MRTFB: variants seen among roughly 807,000 people sequenced by gnomAD.
The protein encoded by MRTFB is myocardin related transcription factor B, also known as myocardin-related transcription factor B.
In MRTFB, 29 loss-of-function variants were observed where a neutral mutation model predicts 104.2. That is an observed-to-expected ratio of 0.28 (90% CI 0.21 to 0.38). The LOEUF (loss-of-function observed/expected upper bound fraction) is 0.38, where lower values mean the gene tolerates loss of function less well. Among genes scored for constraint, MRTFB ranks in the 10% least tolerant of loss-of-function variants. MRTFB has a pLI of 1.00. For missense variants in MRTFB, 1,270 were observed against 1,341.6 expected, an observed-to-expected ratio of 0.95 and a Z score of 0.83; for synonymous variants, 535 against 519.5, an observed-to-expected ratio of 1.03 and a Z score of -0.41.
chr16:14,201,733 C>T (rs2040714370), intron 3 of MRTFB, among the ~76,000 whole-genome samples: 1 of 152,074 alleles, frequency 6.6e-6, no homozygotes, highest in Non-Finnish European at 1.5e-5. Context: ...ACTAAAAGAG[C>T]ATTATTCTCA....
At chr16:14,116,088 A>G (rs911187143) in intron 2 of MRTFB, among the ~76,000 whole-genome samples, 1 of 152,032 alleles carries the variant, frequency 6.6e-6, no homozygotes, top group Non-Finnish European at 1.5e-5. Context: ...TGGGGCACGC[A>G]TTTCTTAATC....
At chr16:14,203,804 G>GAAAA (rs908323645) in intron 3 of MRTFB, among the ~76,000 whole-genome samples, 4 of 46,574 alleles carry the variant, frequency 8.6e-5, no homozygotes, top group Non-Finnish European at 1.9e-4. Flanking sequence ...ACTCTGTCTC[G>GAAAA]AAAAAAAAAA....
At chr16:14,054,688 A>G in the MRTFB span, among the ~76,000 whole-genome samples, 1 of 152,222 alleles carries the variant, frequency 6.6e-6, no homozygotes, top group Non-Finnish European at 1.5e-5. Flanking sequence ...CTCTGAGGAC[A>G]GGAACCATGT....
At chr16:14,216,174 T>C (rs1354464237) in intron 6 of MRTFB, among the ~76,000 whole-genome samples, 1 of 152,220 alleles carries the variant, frequency 6.6e-6, no homozygotes, top group Non-Finnish European at 1.5e-5. Context: ...CAGGGTAACC[T>C]CCTAGCCATG....
At chr16:14,193,961 A>G (rs1378542952) in intron 3 of MRTFB, among the ~76,000 whole-genome samples, 9 of 152,152 alleles carry the variant, frequency 5.9e-5, no homozygotes, top group Admixed American at 5.9e-4. Flanking sequence ...TATTAAATGC[A>G]TTTTGACTTA....
rs2043792096 is a variant in MRTFB at position 14,261,878 on chromosome 16, G to C, written c.*434G>C. 1 of 156,120 alleles carries C rather than the reference G, an allele frequency of 6.4e-6. No homozygotes were observed. The highest frequency in any genetic ancestry group is 6.3e-5 in the Admixed American group (1 of 15,804). 9.7% of individuals were successfully genotyped at this position (156,120 alleles called of 1,614,324 possible). ...ACTAAGGCTGATGTGAGGGAGGTGAGAGGTCACTGCACTTGGTACTTCCTA... is the reference window on the plus strand; with the variant it reads ...ACTAAGGCTGATGTGAGGGAGGTGACAGGTCACTGCACTTGGTACTTCCTA... On this transcript the variant is annotated 3_prime_UTR_variant, in exon 17 of 17. Transcript: ENST00000571589.
chr16:14,139,670 G>A (rs976956270), intron 2 of MRTFB, among the ~76,000 whole-genome samples: 1 of 152,192 alleles, frequency 6.6e-6, no homozygotes, highest in Non-Finnish European at 1.5e-5. Flanking sequence ...TGTCCATATA[G>A]ATACCTGTAC....
At chr16:14,247,879 T>G in intron 12 of MRTFB, 1 of 194,682 alleles carries the variant, frequency 5.1e-6, no homozygotes, top group Non-Finnish European at 1.1e-5. Context: ...TCCTCCCTTC[T>G]CCTAGAAGAT....
the MRTFB span, among the ~76,000 whole-genome samples, chr16:14,023,580 T>TACACAC: frequency 1.4e-4 from 13 of 94,016 alleles, no homozygotes; most frequent in African/African-American, 4.4e-4. Flanking sequence ...CAAGGGCAGA[T>TACACAC]ACACACACAC....
At chr16:14,254,247 A>G (rs1178555755) in intron 15 of MRTFB, among the ~76,000 whole-genome samples, 1 of 152,164 alleles carries the variant, frequency 6.6e-6, no homozygotes, top group Middle Eastern at 3.2e-3. Context: ...CGAGTGGCTA[A>G]GTAAGGCCCT....
intron 10 of MRTFB, among the ~76,000 whole-genome samples, chr16:14,243,864 G>GTTTTTTTTGTTTTTTTTTT (rs2042890878): frequency 1.6e-5 from 2 of 124,676 alleles, no homozygotes; most frequent in East Asian, 4.9e-4. Context: ...CCTGTTTTGG[G>GTTTTTTTTGTTTTTTTTTT]TTTTTTTTTT....
chr16:14,106,806 A>G (rs542070160), intron 2 of MRTFB, among the ~76,000 whole-genome samples: 1 of 152,308 alleles, frequency 6.6e-6, no homozygotes, highest in Non-Finnish European at 1.5e-5. Context: ...GCTGGGACTC[A>G]GTGAGGGGAA....
chr16:14,036,486 T>A, the MRTFB span, among the ~76,000 whole-genome samples: 19 of 147,920 alleles, frequency 1.3e-4, no homozygotes, highest in African/African-American at 4.5e-4. Context: ...ATATATTCCA[T>A]CATATATATG....
At chr16:14,133,318 A>T (rs1036957789) in intron 2 of MRTFB, among the ~76,000 whole-genome samples, 2 of 152,212 alleles carry the variant, frequency 1.3e-5, no homozygotes, top group African/African-American at 4.8e-5. Flanking sequence ...ACTCCTCTTT[A>T]AACTTAGTTT....
the MRTFB span, among the ~76,000 whole-genome samples, chr16:14,063,949 G>A: frequency 6.6e-6 from 1 of 152,318 alleles, no homozygotes; most frequent in South Asian, 2.1e-4. Context: ...ACATGCATGT[G>A]TTTTTATGGC....
At chr16:14,143,165 T>C (rs1184457913) in intron 3 of MRTFB, 1 of 151,120 alleles carries the variant, frequency 6.6e-6, no homozygotes, top group Admixed American at 6.6e-5. Context: ...ACATTTCTTT[T>C]TTTTTTTTTT....
In MRTFB at chr16:14,264,567, T is replaced by TA. The variant is rs1194257819; in HGVS notation, c.*3124dup. The TA allele has an allele frequency of 6.6e-6, 1 of 152,262 alleles. No individual in the cohort carries two copies. The highest frequency in any genetic ancestry group is 1.9e-4 in the East Asian group (1 of 5,204). The allele number at this position is 152,262 out of a possible 1,614,324, so 9.4% of individuals were successfully genotyped here. A position where few individuals can be genotyped will look rare whatever the true frequency, so the allele number is the denominator to read the frequency against. The stretch of plus-strand genomic sequence containing the variant: ...GAATTTGTGGAATTTCTTGCTTAGA[T>TA]ACTATTGTGTTTGTTTCATATGAAT... On this transcript the variant is annotated 3_prime_UTR_variant, in exon 17 of 17. Transcript: ENST00000571589.
At chr16:14,247,903 C>T (rs2043094000) in intron 12 of MRTFB, 1 of 178,824 alleles carries the variant, frequency 5.6e-6, no homozygotes, top group Non-Finnish European at 1.2e-5. Context: ...AGTGATACCA[C>T]CCATCTCTGG....
chr16:14,263,291 A>G lies in MRTFB; in HGVS notation c.*1847A>G, dbSNP rs2043836536. On this transcript the variant is annotated 3_prime_UTR_variant, in exon 17 of 17. Transcript: ENST00000571589. Reference sequence around the variant, plus strand: ...CACCGTCATTTGACCAAGCCCTACAAGAGTTTACCACACTAGATGTTCTGT... The same window carrying G: ...CACCGTCATTTGACCAAGCCCTACAGGAGTTTACCACACTAGATGTTCTGT... 2 of 152,252 alleles carry G rather than the reference A, an allele frequency of 1.3e-5. No homozygotes were observed. The highest frequency in any genetic ancestry group is 1.3e-4 in the Admixed American group (2 of 15,290). 9.4% of individuals were successfully genotyped at this position (152,252 alleles called of 1,614,324 possible).
Sources: gnomAD v4.1 joint callset for allele counts (sites outside exome capture counted in the v4.1 genomes callset) on GRCh38, gnomAD v4.1.1 for gene constraint, MANE v1.5 for transcripts, NCBI Gene and HGNC (gene_info 2026-07-23, HGNC 2026-07-21) for gene names.